SLIT2: variants seen among roughly 807,000 people sequenced by gnomAD.
The protein encoded by SLIT2 is slit guidance ligand 2, also known as slit homolog 2 protein.
A neutral mutation model predicts 185.7 loss-of-function variants in SLIT2; 41 were observed. That is an observed-to-expected ratio of 0.22 (90% confidence interval 0.17 to 0.29). SLIT2 has a LOEUF of 0.29. SLIT2 is among the 10% of genes least tolerant of loss of function. The pLI is 1.00. For missense variants in SLIT2, 1,571 were observed against 1,909.0 expected (o/e 0.82, Z 3.30); for synonymous variants, 693 against 680.2 (o/e 1.02, Z -0.29).
At chr4:20,366,653 G>A (rs1248152601) in intron 4 of SLIT2, among the ~76,000 whole-genome samples, 1 of 152,084 alleles carries the variant, frequency 6.6e-6, no homozygotes, top group African/African-American at 2.4e-5. Flanking sequence ...TAGGAGCTCA[G>A]TAGGGAGATG....
chr4:20,275,604 T>C (rs1333800276), intron 4 of SLIT2, among the ~76,000 whole-genome samples: 2 of 152,194 alleles, frequency 1.3e-5, no homozygotes, highest in Non-Finnish European at 2.9e-5. Flanking sequence ...TAAATATGTG[T>C]AGTCACATTA....
chr4:20,498,571 A>G (rs1718437037), intron 9 of SLIT2, among the ~76,000 whole-genome samples: 1 of 152,228 alleles, frequency 6.6e-6, no homozygotes, highest in South Asian at 2.1e-4. Flanking sequence ...TTCCTGTGGC[A>G]TATTGCCTTT....
In SLIT2 at chr4:20,568,454, G is replaced by A. The variant is rs1725287191; in HGVS notation, c.2949-411G>A. Reference sequence around the variant, plus strand: ...CAAGGACATTATAAGTATGTTAGTAGATATTGCAATTTTAAAGATCAGAAC... The same window carrying A: ...CAAGGACATTATAAGTATGTTAGTAAATATTGCAATTTTAAAGATCAGAAC... On this transcript the variant is annotated intron_variant, in intron 28 of 36. Coordinates refer to ENST00000504154, the MANE Select transcript of SLIT2 (RefSeq NM_004787.4). Among the ~76,000 whole-genome samples, 4 of 151,776 alleles carry A rather than the reference G, an allele frequency of 2.6e-5. No individual in the cohort carries two copies. In the South Asian group the frequency reaches 8.3e-4, roughly 32 times the overall value.
intron 4 of SLIT2, among the ~76,000 whole-genome samples, chr4:20,334,930 G>A (rs1361139862): frequency 6.6e-6 from 1 of 152,194 alleles, no homozygotes; most frequent in Non-Finnish European, 1.5e-5. Flanking sequence ...CATATGTATA[G>A]TAATTAATAA....
At chr4:20,260,336 G>T (rs1355518374) in intron 3 of SLIT2, among the ~76,000 whole-genome samples, 1 of 151,724 alleles carries the variant, frequency 6.6e-6, no homozygotes, top group Non-Finnish European at 1.5e-5. Context: ...TGGTTTTTAA[G>T]AATTTAGTTG....
chr4:20,468,863 T>TC (rs962803947), intron 5 of SLIT2, among the ~76,000 whole-genome samples: 9 of 151,092 alleles, frequency 6.0e-5, no homozygotes, highest in Admixed American at 1.3e-4. Context: ...TTTTTTTTTT[T>TC]CAGTAGCAAA....
intron 4 of SLIT2, among the ~76,000 whole-genome samples, chr4:20,348,289 A>G (rs1721591518): frequency 6.6e-6 from 1 of 152,058 alleles, no homozygotes; most frequent in Non-Finnish European, 1.5e-5. Context: ...CCCAGGCTGG[A>G]GTGCAGTGGC....
chr4:20,619,174 A>G lies in SLIT2; in HGVS notation c.*165A>G, dbSNP rs558520083. The G allele has an allele frequency of 1.2e-4, 80 of 682,508 alleles. No individual in the cohort carries two copies. Among genetic ancestry groups the G allele is most frequent in the Non-Finnish European group, 1.6e-4 (72 of 441,470 alleles). The allele number at this position is 682,508 out of a possible 1,614,324, so 42.3% of individuals were successfully genotyped here. On this transcript the variant is annotated 3_prime_UTR_variant, in exon 37 of 37. Coordinates refer to ENST00000504154, the MANE Select transcript of SLIT2 (RefSeq NM_004787.4). ...CTTTTTTTCTGCATTTGGAAAAAAA[A>G]AAAAAGAAATGCTTGAACTAAAGCT... is the stretch of plus-strand genomic sequence containing the variant.
chr4:20,572,998 C>T (rs1725739122), intron 29 of SLIT2, among the ~76,000 whole-genome samples: 1 of 152,166 alleles, frequency 6.6e-6, no homozygotes, highest in East Asian at 1.9e-4. Context: ...GCTGGTTGTT[C>T]CATCACCTGG....
At position 20,484,191 on chromosome 4, in the gene SLIT2, A is replaced by G. The variant is rs919432846; in HGVS notation, c.540-2009A>G. ...GTAGTACTTAAAACAATTTATTCCCAAAGTCATATTTCAGAATGCTATATA... is the reference window on the plus strand; with the variant it reads ...GTAGTACTTAAAACAATTTATTCCCGAAGTCATATTTCAGAATGCTATATA... On this transcript the variant is annotated intron_variant, in intron 6 of 36. Coordinates refer to ENST00000504154, the MANE Select transcript of SLIT2 (RefSeq NM_004787.4). This position sits in a 1 kb window ranked among gnomAD's most constrained non-coding sequence, Gnocchi z 4.3. 6.6e-6 allele frequency among the ~76,000 whole-genome samples: 1 copy of G among 152,240 alleles called. No individual in the cohort carries two copies.
intron 22 of SLIT2, among the ~76,000 whole-genome samples, chr4:20,546,755 A>G (rs1037299347): frequency 5.3e-5 from 8 of 152,088 alleles, no homozygotes; most frequent in African/African-American, 1.2e-4. Context: ...ATTTAAATAT[A>G]CAAACATTTG....
chr4:20,317,260 A>G (rs1718682776), intron 4 of SLIT2, among the ~76,000 whole-genome samples: 1 of 152,010 alleles, frequency 6.6e-6, no homozygotes, highest in Non-Finnish European at 1.5e-5. Context: ...TAATTTATAT[A>G]GACAAAAATG....
At chr4:20,523,301 G>A (rs192192737) in intron 12 of SLIT2, among the ~76,000 whole-genome samples, 14 of 152,262 alleles carry the variant, frequency 9.2e-5, no homozygotes, top group East Asian at 1.9e-4. Context: ...GGGAGCTGTC[G>A]CATGGTTCTG....
intron 4 of SLIT2, among the ~76,000 whole-genome samples, chr4:20,342,218 C>T (rs1400514990): frequency 6.6e-6 from 1 of 152,078 alleles, no homozygotes; most frequent in Non-Finnish European, 1.5e-5. Flanking sequence ...ATAAAATTAA[C>T]ATCTGTTTAG....
intron 5 of SLIT2, among the ~76,000 whole-genome samples, chr4:20,468,364 C>A (rs1714589891): frequency 6.6e-6 from 1 of 151,978 alleles, no homozygotes; most frequent in African/African-American, 2.4e-5. Flanking sequence ...GCATTAAATA[C>A]CAAAAGCATG....
At position 20,336,774 on chromosome 4, in the gene SLIT2, G is replaced by C. The variant is rs189302771; in HGVS notation, c.395+67893G>C. The stretch of plus-strand genomic sequence containing the variant: ...GAGCACCAGTTTGCACATGTTCCAA[G>C]TGTGAGGGGCTGCCTGCAGCCCATG... On this transcript the variant is annotated intron_variant, in intron 4 of 36. Transcript: ENST00000504154. 3.1e-3 allele frequency among the ~76,000 whole-genome samples: 478 copies of C among 152,332 alleles called. 5 individuals carry two copies. The highest frequency in any genetic ancestry group is 3.5e-3 in the Non-Finnish European group (237 of 68,034).
intron 18 of SLIT2, among the ~76,000 whole-genome samples, chr4:20,538,797 AG>A (rs1156672404): frequency 1.4e-4 from 21 of 151,026 alleles, no homozygotes; most frequent in African/African-American, 4.9e-4. Context: ...AAAAAAAAAA[AG>A]GTATTTTTTC....
At chr4:20,561,422 A>G (rs1054483599) in intron 26 of SLIT2, among the ~76,000 whole-genome samples, 2 of 151,732 alleles carry the variant, frequency 1.3e-5, no homozygotes, top group African/African-American at 4.8e-5. Context: ...TCCATTTTGG[A>G]CGAGTTTTTG....
chr4:20,617,225 G>A, intron 35 of SLIT2, 27 bp downstream of exon 35: 1 of 1,302,466 alleles, frequency 7.7e-7, no homozygotes, highest in Non-Finnish European at 1.0e-6. Flanking sequence ...TGGGAGTTGA[G>A]CACACACCTG....
Sources: gnomAD v4.1 joint callset for allele counts (sites outside exome capture counted in the v4.1 genomes callset) on GRCh38, gnomAD v4.1.1 for gene constraint, Gnocchi (gnomAD v3.1) non-coding constraint, MANE v1.5 for transcripts, NCBI Gene and HGNC (gene_info 2026-07-23, HGNC 2026-07-21) for gene names.